Variants in DNAH5 observed in about 807,000 individuals in gnomAD.
The protein encoded by DNAH5 is dynein axonemal heavy chain 5, also known as axonemal beta dynein heavy chain 5.
A neutral mutation model predicts 518.2 loss-of-function variants in DNAH5; 372 were observed. The ratio of observed to expected loss-of-function variants is 0.72; its 90% confidence interval spans 0.66 to 0.78. The LOEUF (loss-of-function observed/expected upper bound fraction) is 0.78. Ranked by LOEUF, DNAH5 falls within the 30% of genes least tolerant of loss-of-function variation. The pLI is 0.00. For synonymous variants in DNAH5, 2,039 were observed against 2,025.9 expected (o/e 1.01, Z -0.17); for missense variants, 5,523 against 5,687.0 (o/e 0.97, Z 0.93).
intron 3 of DNAH5, among the ~76,000 whole-genome samples, chr5:13,926,020 T>C (rs1213705137): frequency 1.3e-5 from 2 of 152,176 alleles, no homozygotes. Flanking sequence ...ATGACTGGGA[T>C]ATGACACCTG....
At chr5:13,838,646 GAATTGTAT>G (rs1324402910) in intron 35 of DNAH5, among the ~76,000 whole-genome samples, 1 of 152,086 alleles carries the variant, frequency 6.6e-6, no homozygotes, top group Non-Finnish European at 1.5e-5. Context: ...AAATTATAGT[GAATTGTAT>G]AATTATCTCA....
chr5:13,898,303 C>G (rs1015147652), intron 15 of DNAH5: 2 of 342,630 alleles, frequency 5.8e-6, no homozygotes, highest in Non-Finnish European at 1.0e-5. Context: ...AACAACAACT[C>G]TGCAAATACA....
intron 31 of DNAH5, among the ~76,000 whole-genome samples, chr5:13,848,267 T>C (rs1766324974): frequency 6.6e-6 from 1 of 152,230 alleles, no homozygotes; most frequent in Non-Finnish European, 1.5e-5. Context: ...ATGGTTTTGC[T>C]TTAAAGTAAA....
chr5:13,805,091 C>T (rs565233670), intron 47 of DNAH5, among the ~76,000 whole-genome samples: 3 of 152,248 alleles, frequency 2.0e-5, no homozygotes, highest in Admixed American at 1.3e-4. Flanking sequence ...ACATGGGCCC[C>T]TCATACCACT....
At chr5:13,789,039 T>C in intron 50 of DNAH5, 125 bp from the exon 51 acceptor site, 1 of 831,686 alleles carries the variant, frequency 1.2e-6, no homozygotes, top group Non-Finnish European at 1.9e-6. Flanking sequence ...AAAGTTAGGG[T>C]TCAAATATGC....
chr5:13,694,535 G>A (rs1293511242), intron 78 of DNAH5, among the ~76,000 whole-genome samples: 1 of 152,170 alleles, frequency 6.6e-6, no homozygotes, highest in Non-Finnish European at 1.5e-5. Flanking sequence ...GGAGGAGAGA[G>A]AAGAGGTTGT....
At chr5:13,914,432 G>A in intron 10 of DNAH5, 88 bp downstream of exon 10, 1 of 1,416,330 alleles carries the variant, frequency 7.1e-7, no homozygotes, top group Non-Finnish European at 9.8e-7. Flanking sequence ...ATCAACCAAT[G>A]ATATAATAAT....
intron 53 of DNAH5, among the ~76,000 whole-genome samples, chr5:13,779,658 C>G (rs1056098166): frequency 3.3e-5 from 5 of 152,178 alleles, no homozygotes; most frequent in African/African-American, 9.7e-5. Context: ...TTTTCATGTG[C>G]TAATTATGCT....
At chr5:13,874,824 A>G (rs1770639978) in intron 22 of DNAH5, among the ~76,000 whole-genome samples, 1 of 152,122 alleles carries the variant, frequency 6.6e-6, no homozygotes, top group Non-Finnish European at 1.5e-5. Context: ...GCCTCAGCTC[A>G]TCCTTTTAAG....
rs1746249161 is a variant in DNAH5 at position 13,729,885 on chromosome 5, C to T, written c.11762-325G>A. 2.0e-5 allele frequency among the ~76,000 whole-genome samples: 3 copies of T among 152,162 alleles called. No individual in the cohort carries two copies. The South Asian group carries it at 6.2e-4, about 32-fold the overall frequency. On this transcript the variant is annotated intron_variant, in intron 68 of 78. Coordinates refer to ENST00000265104, the MANE Select transcript of DNAH5 (RefSeq NM_001369.3). ...AATTAGTAAAATAAGAATAATTAAACCTGTGTCACAATGTATGCGTGTAAA... is the reference window on the plus strand; with the variant it reads ...AATTAGTAAAATAAGAATAATTAAATCTGTGTCACAATGTATGCGTGTAAA...
chr5:13,753,336 T>C lies in DNAH5; in HGVS notation c.10769A>G (p.Asn3590Ser), dbSNP rs747203212. 2.5e-6 allele frequency: 4 copies of C among 1,613,906 alleles called. No homozygotes were observed. Among genetic ancestry groups the C allele is most frequent in the Non-Finnish European group, 2.5e-6 (3 of 1,179,910 alleles). ...GLPNDDLSIQNGIIVTKASRY... is the reference protein window; with the variant it reads ...GLPNDDLSIQSGIIVTKASRY... Reference sequence around the variant, plus strand: ...AGATGCCTTCGTGACAATAATTCCATTTTGAATGGACAAGTCATCATTTGG... The same window carrying C: ...AGATGCCTTCGTGACAATAATTCCACTTTGAATGGACAAGTCATCATTTGG... Residue 3590 changes from asparagine to serine, a missense_variant, in exon 63 of 79, where the codon AAT (asparagine) becomes AGT (serine). This residue lies in a region of DNAH5 where 5,121 missense variants were observed against 5,223.3 expected (regional missense o/e 0.98). Transcript: ENST00000265104.
chr5:14,007,274 T>C (rs1324986173), intron 1 of DNAH5, among the ~76,000 whole-genome samples: 2 of 152,216 alleles, frequency 1.3e-5, no homozygotes, highest in African/African-American at 2.4e-5. Flanking sequence ...AGCTCTTTCA[T>C]TGTGTAGCCA....
At chr5:13,806,707 T>G (rs545124165) in intron 47 of DNAH5, among the ~76,000 whole-genome samples, 14 of 152,180 alleles carry the variant, frequency 9.2e-5, no homozygotes, top group Non-Finnish European at 1.2e-4. Context: ...GATTTCCTCC[T>G]CAGTTTCAAT....
At chr5:13,747,604 T>C (rs1399912826) in intron 65 of DNAH5, among the ~76,000 whole-genome samples, 1 of 152,218 alleles carries the variant, frequency 6.6e-6, no homozygotes, top group Non-Finnish European at 1.5e-5. Flanking sequence ...TGGTATCTCA[T>C]TGTGGTTTTG....
intron 1 of DNAH5, among the ~76,000 whole-genome samples, chr5:13,968,541 C>T (rs1191465101): frequency 6.6e-6 from 1 of 152,092 alleles, no homozygotes; most frequent in African/African-American, 2.4e-5. Flanking sequence ...TAAATTTTGT[C>T]CAATGCTTTT....
chr5:13,944,245 C>T, intron 1 of DNAH5, 137 bp downstream of exon 1: 1 of 857,296 alleles, frequency 1.2e-6, no homozygotes, highest in South Asian at 1.4e-5. Flanking sequence ...ACCAGGTGAA[C>T]ATTAGTTAAA....
intron 42 of DNAH5, among the ~76,000 whole-genome samples, 158 bp downstream of exon 42, chr5:13,817,390 A>G (rs559725302): frequency 1.3e-5 from 2 of 152,290 alleles, no homozygotes; most frequent in Non-Finnish European, 2.9e-5. Flanking sequence ...CAATAATTCC[A>G]TTATTTCAAC....
At chr5:13,961,720 C>A (rs760653910) in intron 1 of DNAH5, among the ~76,000 whole-genome samples, 6 of 152,094 alleles carry the variant, frequency 3.9e-5, no homozygotes, top group Non-Finnish European at 8.8e-5. Flanking sequence ...AAAATGATCC[C>A]ATCTTCACTA....
chr5:13,787,045 C>G (rs539490167), intron 51 of DNAH5, among the ~76,000 whole-genome samples: 1 of 151,970 alleles, frequency 6.6e-6, no homozygotes, highest in Admixed American at 6.6e-5. Context: ...CATGGTGAAA[C>G]CCCATCTCTA....
Sources: gnomAD v4.1 joint callset for allele counts (sites outside exome capture counted in the v4.1 genomes callset) on GRCh38, gnomAD v4.1.1 for gene constraint, gnomAD v4.1.1 regional missense constraint, MANE v1.5 for transcripts, NCBI Gene and HGNC (gene_info 2026-07-23, HGNC 2026-07-21) for gene names.